The following KSR2 variants were observed in gnomAD, a reference collection of about 807,000 sequenced individuals.
KSR2 encodes the protein kinase suppressor of ras 2.
KSR2 carries 25 observed loss-of-function variants against 107.8 expected under a neutral mutation model. That is an observed-to-expected ratio of 0.23 (90% CI 0.17 to 0.32). KSR2 has a LOEUF of 0.32. Ranked by LOEUF, KSR2 falls within the 10% of genes least tolerant of loss-of-function variation. The pLI, the probability that KSR2 is intolerant of heterozygous loss-of-function variation, is 1.00. For synonymous variants in KSR2, 480 were observed against 507.0 expected (o/e 0.95, Z 0.71); for missense variants, 887 against 1,268.9 (o/e 0.70, Z 4.57).
chr12:117,635,562 A>G (rs1185019208), intron 5 of KSR2, among the ~76,000 whole-genome samples: 1 of 152,232 alleles, frequency 6.6e-6, no homozygotes, highest in Non-Finnish European at 1.5e-5. Flanking sequence ...TAAGACGCCA[A>G]AGTAAGTGAT....
chr12:117,557,354 C>T (rs573639169), intron 8 of KSR2, among the ~76,000 whole-genome samples: 38 of 152,160 alleles, frequency 2.5e-4, no homozygotes, highest in Non-Finnish European at 5.3e-4. Flanking sequence ...TCATTTAGGA[C>T]ATCTACTTGG....
intron 4 of KSR2, among the ~76,000 whole-genome samples, chr12:117,730,509 G>A (rs376277257): frequency 1.4e-5 from 2 of 147,880 alleles, no homozygotes; most frequent in Non-Finnish European, 3.0e-5. Flanking sequence ...CCCCTTCCAC[G>A]GTCTCCCTCT....
At chr12:117,645,356 T>C (rs553746961) in intron 5 of KSR2, among the ~76,000 whole-genome samples, 1 of 152,290 alleles carries the variant, frequency 6.6e-6, no homozygotes, top group South Asian at 2.1e-4. Flanking sequence ...CAGTATGTGG[T>C]GGTTCTCTGT....
intron 10 of KSR2, among the ~76,000 whole-genome samples, chr12:117,532,047 A>C (rs916339399): frequency 2.0e-5 from 3 of 152,050 alleles, no homozygotes; most frequent in Non-Finnish European, 2.9e-5. Flanking sequence ...CAAAATATTA[A>C]TTTTTTCCCC....
intron 3 of KSR2, among the ~76,000 whole-genome samples, chr12:117,763,045 C>G (rs1438024759): frequency 1.3e-5 from 2 of 152,028 alleles, no homozygotes; most frequent in African/African-American, 4.8e-5. Context: ...CCCCTCTCCC[C>G]CGACCCCACA....
At chr12:117,877,473 T>A (rs1161767799) in intron 1 of KSR2, among the ~76,000 whole-genome samples, 2 of 152,208 alleles carry the variant, frequency 1.3e-5, no homozygotes, top group African/African-American at 2.4e-5. Context: ...TGCCTACTGC[T>A]TTGTGTTAAT....
intron 5 of KSR2, among the ~76,000 whole-genome samples, chr12:117,599,118 G>C (rs1259304944): frequency 6.6e-6 from 1 of 152,186 alleles, no homozygotes; most frequent in East Asian, 1.9e-4. Context: ...CTGATGTTGA[G>C]TGTTAGCTAT....
At chr12:117,833,048 G>A (rs371805861) in intron 3 of KSR2, among the ~76,000 whole-genome samples, 65 of 152,238 alleles carry the variant, frequency 4.3e-4, no homozygotes, top group Non-Finnish European at 7.9e-4. Context: ...TGGTGGAGGC[G>A]GGAAGGTGGG....
At chr12:117,736,812 C>CAAAAA (rs759133206) in intron 4 of KSR2, among the ~76,000 whole-genome samples, 1 of 80,256 alleles carries the variant, frequency 1.2e-5, no homozygotes. Flanking sequence ...GACCCTGTCT[C>CAAAAA]AAAAAAAAAA....
chr12:117,675,186 G>A (rs565702201), intron 4 of KSR2, among the ~76,000 whole-genome samples: 1 of 152,174 alleles, frequency 6.6e-6, no homozygotes, highest in Non-Finnish European at 1.5e-5. Context: ...CCAGAGGAAT[G>A]TCTGTCTCCC....
rs117111729 is a variant in KSR2 at position 117,951,505 on chromosome 12, C to G, written c.180+16571G>C. 6.8e-3 allele frequency among the ~76,000 whole-genome samples: 1,041 copies of G among 152,230 alleles called. 6 individuals are homozygous for G. Among genetic ancestry groups the G allele is most frequent in the Admixed American group, 0.013 (195 of 15,274 alleles). On this transcript the variant is annotated intron_variant, in intron 1 of 19. Transcript: ENST00000339824. ...CCCAGTGCCTTCGTGGGTGGGCACA[C>G]AGAGAAACACATGACTATTTCTGAT...
intron 3 of KSR2, among the ~76,000 whole-genome samples, chr12:117,794,547 CA>C (rs1294628943): frequency 1.5e-5 from 2 of 136,616 alleles, no homozygotes; most frequent in African/African-American, 5.6e-5. Context: ...CATGCACACT[CA>C]ACCAACATGC....
At chr12:117,771,970 ACACT>A (rs1456522600) in intron 3 of KSR2, among the ~76,000 whole-genome samples, 10 of 149,772 alleles carry the variant, frequency 6.7e-5, no homozygotes, top group Admixed American at 2.0e-4. Flanking sequence ...AGACGCACAC[ACACT>A]CACACATACA....
chr12:117,880,713 CTTTTT>C (rs545456495), intron 1 of KSR2, among the ~76,000 whole-genome samples: 16 of 116,692 alleles, frequency 1.4e-4, no homozygotes, highest in African/African-American at 5.0e-4. Flanking sequence ...TTGCCAGATT[CTTTTT>C]TTTTTTTTTT....
At chr12:117,901,978 C>T (rs1894697450) in intron 1 of KSR2, among the ~76,000 whole-genome samples, 1 of 152,140 alleles carries the variant, frequency 6.6e-6, no homozygotes, top group Non-Finnish European at 1.5e-5. Context: ...TCCAATATGA[C>T]TTCTTGGCTC....
intron 1 of KSR2, among the ~76,000 whole-genome samples, chr12:117,918,353 T>G (rs143839652): frequency 2.3e-4 from 35 of 152,302 alleles, no homozygotes; most frequent in African/African-American, 8.4e-4. Context: ...TCAAAGCTTG[T>G]GACAATATGG....
intron 4 of KSR2, among the ~76,000 whole-genome samples, chr12:117,731,306 G>A (rs1310233262): frequency 2.7e-5 from 4 of 146,170 alleles, no homozygotes; most frequent in Admixed American, 6.8e-5. Flanking sequence ...GAGCGTCTCC[G>A]CCCAGCAGCC....
chr12:117,654,641 T>C (rs1369243696), intron 5 of KSR2, among the ~76,000 whole-genome samples: 3 of 152,252 alleles, frequency 2.0e-5, no homozygotes, highest in Non-Finnish European at 4.4e-5. Context: ...CTGTAGCCAG[T>C]GGTTTGGCTG....
intron 16 of KSR2, among the ~76,000 whole-genome samples, chr12:117,477,639 T>C (rs1565864880): frequency 6.6e-6 from 1 of 152,226 alleles, no homozygotes; most frequent in Non-Finnish European, 1.5e-5. Flanking sequence ...GATCCAGTTA[T>C]GTGAACAAGG....
Sources: allele counts gnomAD v4.1 joint callset (sites outside exome capture counted in the v4.1 genomes callset), GRCh38; gene constraint gnomAD v4.1.1; transcripts MANE v1.5; gene names NCBI Gene and HGNC (gene_info 2026-07-23, HGNC 2026-07-21).